NCOR2: variants seen among roughly 807,000 people sequenced by gnomAD.
NCOR2 encodes CTG repeat protein 26.
In NCOR2, 81 loss-of-function variants were observed where a neutral mutation model predicts 262.9. The ratio of observed to expected loss-of-function variants is 0.31; its 90% CI spans 0.26 to 0.37. The LOEUF (loss-of-function observed/expected upper bound fraction) is 0.37. Ranked by LOEUF, NCOR2 falls within the 10% of genes least tolerant of loss-of-function variation. NCOR2 has a pLI of 1.00. For synonymous variants in NCOR2, 1,659 were observed against 1,559.3 expected (o/e 1.06, Z -1.51); for missense variants, 3,385 against 3,621.4 (o/e 0.93, Z 1.68).
intron 7 of NCOR2, among the ~76,000 whole-genome samples, chr12:124,441,649 A>G (rs1487460178): frequency 6.6e-6 from 1 of 152,232 alleles, no homozygotes; most frequent in Non-Finnish European, 1.5e-5. Flanking sequence ...AGTATGTATG[A>G]ATCATGGCGG....
intron 1 of NCOR2, among the ~76,000 whole-genome samples, chr12:124,522,254 T>G (rs1021806802): frequency 1.3e-5 from 2 of 152,244 alleles, no homozygotes; most frequent in Non-Finnish European, 2.9e-5. Flanking sequence ...TTAAAATACA[T>G]GAGTGATTAA....
intron 1 of NCOR2, among the ~76,000 whole-genome samples, chr12:124,552,881 C>T (rs1283947015): frequency 6.6e-6 from 1 of 152,140 alleles, no homozygotes; most frequent in Non-Finnish European, 1.5e-5. Context: ...CAGGGGGTCC[C>T]ACTGTGTTCC....
chr12:124,440,850 C>G lies in NCOR2; in HGVS notation c.816-2854G>C, dbSNP rs558263475. ...TGGGATCTACGTCATCAGAAGGACCCGGCTCTGGGAAGATCCAGAAGGAAG... is the reference window on the plus strand; with the variant it reads ...TGGGATCTACGTCATCAGAAGGACCGGGCTCTGGGAAGATCCAGAAGGAAG... On this transcript the variant is annotated intron_variant, in intron 7 of 46. Transcript: ENST00000405201. The surrounding 1 kb of genome is among the most constrained non-coding windows in gnomAD (Gnocchi z 5.7). 1.3e-5 allele frequency among the ~76,000 whole-genome samples: 2 copies of G among 152,136 alleles called. No individual in the cohort carries two copies. The highest frequency in any genetic ancestry group is 2.4e-5 in the African/African-American group (1 of 41,422).
chr12:124,373,437 C>T (rs1303523126), intron 19 of NCOR2, among the ~76,000 whole-genome samples: 1 of 111,414 alleles, frequency 9.0e-6, no homozygotes, highest in African/African-American at 3.3e-5. Flanking sequence ...GCAGGGGCCC[C>T]GGGCACAGTG....
intron 12 of NCOR2, among the ~76,000 whole-genome samples, chr12:124,422,279 G>T (rs1246539309): frequency 6.6e-6 from 1 of 152,198 alleles, no homozygotes; most frequent in Non-Finnish European, 1.5e-5. Context: ...TCAGCAACCT[G>T]AGGCTCCTCC....
At chr12:124,330,713 T>C (rs1196191232) in intron 44 of NCOR2, 132 bp downstream of exon 46, 4 of 968,042 alleles carry the variant, frequency 4.1e-6, no homozygotes, top group Non-Finnish European at 6.2e-6. Flanking sequence ...ACTGTGCGGT[T>C]AGTTCATCCC....
At chr12:124,395,508 C>T (rs938674128) in intron 16 of NCOR2, among the ~76,000 whole-genome samples, 2 of 152,228 alleles carry the variant, frequency 1.3e-5, no homozygotes, top group African/African-American at 2.4e-5. Flanking sequence ...CGCTCACTGC[C>T]GTCTCCATGG....
In NCOR2 at chr12:124,407,536, C is replaced by T. The variant is rs1429171014; in HGVS notation, c.1483-4975G>A. On this transcript the variant is annotated intron_variant, in intron 13 of 46. Coordinates refer to ENST00000405201, the Ensembl canonical transcript of NCOR2. ...GACCTTTCTCAAAAGGTGCAGGGGT[C>T]GCAGGGAGTCACATGACCCACCCCA... Among the ~76,000 whole-genome samples the T allele has an allele frequency of 2.6e-5, 4 of 152,024 alleles. No homozygotes were observed. In the South Asian group the frequency reaches 6.2e-4, roughly 24 times the overall value.
intron 27 of NCOR2, among the ~76,000 whole-genome samples, chr12:124,351,123 A>G (rs2037418310): frequency 6.6e-6 from 1 of 152,170 alleles, no homozygotes; most frequent in African/African-American, 2.4e-5. Flanking sequence ...ACTTGAACCC[A>G]GGCATTCTGG....
chr12:124,372,341 CCTCCTCCTT>C (rs1302878234), exon 20 of NCOR2: 2 of 1,518,958 alleles, frequency 1.3e-6, no homozygotes, highest in Admixed American at 2.1e-5. Context: ...GCTGCGGTCT[CCTCCTCCTT>C]CTCCTCCTTG....
intron 20 of NCOR2, among the ~76,000 whole-genome samples, chr12:124,371,218 C>T (rs1372061252): frequency 6.7e-6 from 1 of 149,920 alleles, no homozygotes; most frequent in African/African-American, 2.5e-5. Context: ...AGCTGCCCCC[C>T]GTCCTGCCAG....
At chr12:124,356,172 G>A (rs1453716198) in intron 23 of NCOR2, among the ~76,000 whole-genome samples, 1 of 152,180 alleles carries the variant, frequency 6.6e-6, no homozygotes, top group African/African-American at 2.4e-5. Flanking sequence ...CTTGGCCCAC[G>A]CATCCCTCGG....
At chr12:124,455,377 C>T in intron 6 of NCOR2, among the ~76,000 whole-genome samples, 1 of 152,188 alleles carries the variant, frequency 6.6e-6, no homozygotes, top group African/African-American at 2.4e-5. Flanking sequence ...CGCCCAGGCC[C>T]GAGGATGTGC....
At chr12:124,398,589 A>G (rs1488889155) in intron 15 of NCOR2, among the ~76,000 whole-genome samples, 3 of 152,196 alleles carry the variant, frequency 2.0e-5, no homozygotes, top group African/African-American at 7.2e-5. Context: ...AGTGGGACAC[A>G]AGCTTCAGGT....
At chr12:124,348,254 T>C (rs1566377243) in exon 29 of NCOR2, 1 of 1,613,032 alleles carries the variant, frequency 6.2e-7, no homozygotes, top group East Asian at 2.2e-5. Flanking sequence ...GGCCGTCTCA[T>C]GGGGGGGTCC....
chr12:124,464,653 C>G (rs1261848159), intron 5 of NCOR2, among the ~76,000 whole-genome samples: 1 of 152,234 alleles, frequency 6.6e-6, no homozygotes, highest in Non-Finnish European at 1.5e-5. Context: ...CCAGCTGGCA[C>G]TTCTTTGGTG....
intron 1 of NCOR2, among the ~76,000 whole-genome samples, chr12:124,527,860 G>A (rs1352623673): frequency 2.0e-5 from 3 of 152,136 alleles, no homozygotes; most frequent in Non-Finnish European, 2.9e-5. Context: ...GCATAAAGAC[G>A]GGTCCACCTG....
intron 1 of NCOR2, chr12:124,530,207 T>C (rs1252695061): frequency 1.3e-5 from 2 of 151,370 alleles, no homozygotes; most frequent in East Asian, 1.9e-4. Context: ...TAGTATATAA[T>C]AAAATGATAA....
At position 124,517,653 on chromosome 12, in the gene NCOR2, GA is replaced by G. The variant is rs2049896241; in HGVS notation, c.-118+17911del. Among the ~76,000 whole-genome samples, 1 of 152,192 alleles carries G rather than the reference GA, an allele frequency of 6.6e-6. No homozygotes were observed. The highest frequency in any genetic ancestry group is 1.5e-5 in the Non-Finnish European group (1 of 68,028). On this transcript the variant is annotated intron_variant, in intron 1 of 46. Transcript: ENST00000404621. The surrounding 1 kb of genome is among the most constrained non-coding windows in gnomAD (Gnocchi z 7.6). Reference sequence around the variant, plus strand: ...CCTCCTGAAGTCAACTCCGGGAACAGAAGCCCCCTGAGCCCCCAAGGCTCGC... The same window carrying G: ...CCTCCTGAAGTCAACTCCGGGAACAGAGCCCCCTGAGCCCCCAAGGCTCGC...
Sources: gnomAD v4.1 joint callset for allele counts (sites outside exome capture counted in the v4.1 genomes callset) on GRCh38, gnomAD v4.1.1 for gene constraint, Gnocchi (gnomAD v3.1) non-coding constraint, MANE v1.5 for transcripts, NCBI Gene and HGNC (gene_info 2026-07-23, HGNC 2026-07-21) for gene names.